PALS2: variants seen among roughly 807,000 people sequenced by gnomAD.
PALS2 encodes the protein protein associated with LIN7 2, MAGUK p55 family member, also known as protein PALS2.
Under a neutral mutation model 61.6 loss-of-function variants are expected in PALS2, and 27 were observed. That is an observed-to-expected ratio of 0.44 (90% CI 0.32 to 0.60). PALS2 has a LOEUF of 0.60. Ranked by LOEUF, PALS2 falls within the 20% of genes least tolerant of loss-of-function variation. The pLI, the probability that PALS2 is intolerant of heterozygous loss-of-function variation, is 0.05. For missense variants in PALS2, 554 were observed against 639.4 expected (o/e 0.87, Z 1.44); for synonymous variants, 236 against 218.6 (o/e 1.08, Z -0.70).
intron 5 of PALS2, 142 bp downstream of exon 5, chr7:24,650,854 A>G (rs1163811187): frequency 1.6e-6 from 1 of 620,680 alleles, no homozygotes; most frequent in East Asian, 2.9e-5. Flanking sequence ...TTATTTTGTC[A>G]TGGGTGAATT....
chr7:24,662,767 T>TG (rs1786792007), intron 5 of PALS2, among the ~76,000 whole-genome samples: 1 of 46,502 alleles, frequency 2.2e-5, no homozygotes, highest in Admixed American at 3.5e-4. Context: ...AGACTCCATC[T>TG]GAAAAAAAAA....
chr7:24,611,765 G>A (rs1437789913), intron 1 of PALS2, among the ~76,000 whole-genome samples: 1 of 151,940 alleles, frequency 6.6e-6, no homozygotes, highest in African/African-American at 2.4e-5. Flanking sequence ...GTGTATAGGT[G>A]GTGGTAAGTG....
At chr7:24,677,357 C>T (rs961819549) in intron 9 of PALS2, among the ~76,000 whole-genome samples, 21 of 152,112 alleles carry the variant, frequency 1.4e-4, no homozygotes, top group Non-Finnish European at 2.8e-4. Flanking sequence ...ATTGAATACC[C>T]TTTATTTCCT....
chr7:24,651,457 A>C (rs1786144430), intron 5 of PALS2, among the ~76,000 whole-genome samples: 1 of 152,246 alleles, frequency 6.6e-6, no homozygotes, highest in East Asian at 1.9e-4. Flanking sequence ...TAGGGATAAA[A>C]TTTGTTTTCT....
chr7:24,641,623 T>C (rs1785556362), intron 2 of PALS2, 93 bp from the exon 3 acceptor site: 1 of 1,109,202 alleles, frequency 9.0e-7, no homozygotes, highest in South Asian at 1.7e-5. Flanking sequence ...CTCCAAGTAA[T>C]ATATTTTAAA....
chr7:24,670,438 G>A (rs934929381), intron 9 of PALS2, among the ~76,000 whole-genome samples: 9 of 152,086 alleles, frequency 5.9e-5, no homozygotes, highest in Non-Finnish European at 1.2e-4. Flanking sequence ...TAACACTGGA[G>A]TAGTTCCCTT....
At chr7:24,635,252 A>T in intron 2 of PALS2, among the ~76,000 whole-genome samples, 1 of 152,312 alleles carries the variant, frequency 6.6e-6, no homozygotes, top group African/African-American at 2.4e-5. Context: ...TTTTCAGAGT[A>T]TAAATTTTGC....
chr7:24,608,899 C>G (rs145083443), intron 1 of PALS2, among the ~76,000 whole-genome samples: 1 of 152,174 alleles, frequency 6.6e-6, no homozygotes, highest in African/African-American at 2.4e-5. Context: ...AGGTGTGAGG[C>G]AGCATGGCCA....
rs1562663149 is a variant in PALS2 at position 24,679,286 on chromosome 7, G to C, written c.1270G>C (p.Glu424Gln). Reference sequence around the variant, plus strand: ...TGGAACCAAAATTGATTCTATTCTTGAGGTTGTCCAAACTGGACGGACTTG... The same window carrying C: ...TGGAACCAAAATTGATTCTATTCTTCAGGTTGTCCAAACTGGACGGACTTG... ...LYGTKIDSIL[E>Q]VVQTGRTCIL... Residue 424 changes from glutamate to glutamine, a missense_variant, in exon 10 of 12, where the codon GAG becomes CAG. Transcript: ENST00000222644. 2 of 1,614,070 alleles carry C rather than the reference G, an allele frequency of 1.2e-6. No homozygotes were observed. Among genetic ancestry groups the C allele is most frequent in the Non-Finnish European group, 1.7e-6 (2 of 1,179,956 alleles).
chr7:24,634,705 T>C (rs1785158887), intron 2 of PALS2, among the ~76,000 whole-genome samples: 1 of 152,208 alleles, frequency 6.6e-6, no homozygotes, highest in Non-Finnish European at 1.5e-5. Context: ...GTTGGATCCA[T>C]TTTAAGTTAG....
chr7:24,682,530 CAA>C (rs1787989367), intron 11 of PALS2, among the ~76,000 whole-genome samples: 1 of 152,180 alleles, frequency 6.6e-6, no homozygotes, highest in Non-Finnish European at 1.5e-5. Flanking sequence ...GAAACTCTTT[CAA>C]GCCAGGAAGC....
intron 1 of PALS2, among the ~76,000 whole-genome samples, chr7:24,606,795 C>A (rs1057090934): frequency 6.6e-6 from 1 of 151,948 alleles, no homozygotes; most frequent in Non-Finnish European, 1.5e-5. Context: ...TGCTTGGAAC[C>A]AGAAGTGTTT....
At chr7:24,582,987 C>T (rs1038469646) in intron 1 of PALS2, among the ~76,000 whole-genome samples, 4 of 149,904 alleles carry the variant, frequency 2.7e-5, no homozygotes, top group African/African-American at 4.9e-5. Context: ...CTCTGCCTCC[C>T]GGATTCAAGT....
intron 1 of PALS2, among the ~76,000 whole-genome samples, chr7:24,594,650 A>G (rs1437977522): frequency 1.3e-5 from 2 of 152,130 alleles, no homozygotes; most frequent in Non-Finnish European, 2.9e-5. Context: ...GTCAGAACAC[A>G]TACATTTATC....
At chr7:24,626,713 A>AT (rs368021049) in intron 2 of PALS2, among the ~76,000 whole-genome samples, 2 of 152,040 alleles carry the variant, frequency 1.3e-5, no homozygotes, top group African/African-American at 4.8e-5. Context: ...GCAAAAAAAA[A>AT]GGGATTGCGA....
At chr7:24,633,585 G>A (rs533628792) in intron 2 of PALS2, among the ~76,000 whole-genome samples, 17 of 151,310 alleles carry the variant, frequency 1.1e-4, no homozygotes, top group Non-Finnish European at 2.2e-4. Context: ...GAGTCTCGTG[G>A]ATCTGTGGTT....
chr7:24,669,053 G>A (rs1183117987), intron 9 of PALS2, among the ~76,000 whole-genome samples: 1 of 152,198 alleles, frequency 6.6e-6, no homozygotes, highest in African/African-American at 2.4e-5. Flanking sequence ...CATACCCAGT[G>A]TGGCAACAGC....
intron 2 of PALS2, among the ~76,000 whole-genome samples, chr7:24,630,587 A>C (rs1010925604): frequency 4.6e-5 from 7 of 152,248 alleles, no homozygotes; most frequent in Non-Finnish European, 1.0e-4. Context: ...TTTTCGATGC[A>C]GACACAGCAG....
At chr7:24,600,437 C>A in intron 1 of PALS2, among the ~76,000 whole-genome samples, 1 of 151,626 alleles carries the variant, frequency 6.6e-6, no homozygotes. Flanking sequence ...GAATCAAGGA[C>A]AAAGAAGAAA....
Sources: allele counts gnomAD v4.1 joint callset (sites outside exome capture counted in the v4.1 genomes callset), GRCh38; gene constraint gnomAD v4.1.1; transcripts MANE v1.5; gene names NCBI Gene and HGNC (gene_info 2026-07-23, HGNC 2026-07-21).